Variants in DPP10 observed in about 807,000 individuals in gnomAD.
DPP10 encodes inactive dipeptidyl peptidase 10.
DPP10 carries 33 observed loss-of-function variants against 120.9 expected under a neutral mutation model. The observed-to-expected ratio is 0.27, with a 90% CI of 0.21 to 0.37. The LOEUF (loss-of-function observed/expected upper bound fraction) is 0.37. Among genes scored for constraint, DPP10 ranks in the 10% least tolerant of loss-of-function variants. DPP10 has a pLI of 1.00. For synonymous variants in DPP10, 337 were observed against 326.1 expected, an observed-to-expected ratio of 1.03 and a Z score of -0.36; for missense variants, 816 against 942.8, an observed-to-expected ratio of 0.87 and a Z score of 1.76.
chr2:114,823,268 A>C (rs966672260), intron 1 of DPP10, among the ~76,000 whole-genome samples: 1 of 152,150 alleles, frequency 6.6e-6, no homozygotes, highest in African/African-American at 2.4e-5. Flanking sequence ...AGTGCCAAAC[A>C]AAACGGGAAG....
At chr2:114,924,295 G>A (rs759915649) in intron 1 of DPP10, among the ~76,000 whole-genome samples, 8 of 152,168 alleles carry the variant, frequency 5.3e-5, no homozygotes, top group Admixed American at 5.2e-4. Context: ...GGAGGCCAAA[G>A]GCAGGTGGAT....
intron 4 of DPP10, among the ~76,000 whole-genome samples, chr2:115,521,215 C>T (rs1477133328): frequency 6.6e-6 from 1 of 152,192 alleles, no homozygotes; most frequent in African/African-American, 2.4e-5. Context: ...ACACCATGTT[C>T]ATAACTGCAT....
chr2:114,499,528 C>G (rs186763777), intron 1 of DPP10, among the ~76,000 whole-genome samples: 1 of 152,136 alleles, frequency 6.6e-6, no homozygotes, highest in East Asian at 1.9e-4. Flanking sequence ...TTTGGGACTG[C>G]GCCATCTCCC....
chr2:114,671,871 C>T (rs1223572654), intron 1 of DPP10, among the ~76,000 whole-genome samples: 1 of 152,006 alleles, frequency 6.6e-6, no homozygotes, highest in African/African-American at 2.4e-5. Context: ...TTTCCAAATA[C>T]TTTTCTTTCT....
rs372323644 is a variant in DPP10, at chr2:115,307,750, G to A, written c.61-1489G>A. Among the ~76,000 whole-genome samples the A allele has an allele frequency of 3.9e-5, 6 of 152,158 alleles. No homozygotes were observed. In the East Asian group the frequency reaches 1.2e-3, roughly 29 times the overall value. On this transcript the variant is annotated intron_variant, in intron 1 of 25. Coordinates refer to ENST00000410059, the MANE Select transcript of DPP10 (RefSeq NM_020868.6). ...AAAGAAACTCACCTAGAAACTTGCA[G>A]GAACGTTGCATTCCAGATAAGGGTT...
intron 1 of DPP10, among the ~76,000 whole-genome samples, chr2:114,751,487 G>C (rs930742474): frequency 6.6e-6 from 1 of 152,210 alleles, no homozygotes; most frequent in Non-Finnish European, 1.5e-5. Context: ...TTGCCCTGCT[G>C]TGAGAAGAAT....
intron 1 of DPP10, among the ~76,000 whole-genome samples, chr2:115,014,279 A>C (rs1702475134): frequency 6.6e-6 from 1 of 152,190 alleles, no homozygotes; most frequent in African/African-American, 2.4e-5. Flanking sequence ...AGAAATAAGT[A>C]AGTTCTTTGA....
chr2:115,464,687 G>T (rs1052804854), intron 3 of DPP10, among the ~76,000 whole-genome samples: 2 of 152,128 alleles, frequency 1.3e-5, no homozygotes, highest in Non-Finnish European at 2.9e-5. Flanking sequence ...CAGGGCAGAG[G>T]GCTTGGAGAG....
intron 1 of DPP10, among the ~76,000 whole-genome samples, chr2:115,230,709 A>C (rs1363347679): frequency 6.6e-6 from 1 of 152,024 alleles, no homozygotes; most frequent in African/African-American, 2.4e-5. Context: ...TTAATGATTT[A>C]TTTGTTGTAT....
At chr2:115,147,962 G>A in intron 1 of DPP10, among the ~76,000 whole-genome samples, 1 of 152,114 alleles carries the variant, frequency 6.6e-6, no homozygotes, top group African/African-American at 2.4e-5. Flanking sequence ...GCAATTTGAG[G>A]AGAGATGGTG....
chr2:114,799,227 C>CT (rs1683979141), intron 1 of DPP10, among the ~76,000 whole-genome samples: 7 of 152,188 alleles, frequency 4.6e-5, no homozygotes, highest in Non-Finnish European at 1.0e-4. Flanking sequence ...CATTATCTCT[C>CT]CTTCCTAAAG....
At chr2:115,138,575 T>C (rs756056575) in intron 1 of DPP10, among the ~76,000 whole-genome samples, 22 of 152,178 alleles carry the variant, frequency 1.4e-4, no homozygotes, top group Non-Finnish European at 2.9e-4. Flanking sequence ...AAGACAAACA[T>C]GGATATAATT....
chr2:115,242,407 C>T (rs780024132), intron 1 of DPP10, among the ~76,000 whole-genome samples: 2 of 152,152 alleles, frequency 1.3e-5, no homozygotes, highest in Non-Finnish European at 2.9e-5. Flanking sequence ...ATCCACTCAT[C>T]GATTGATGGG....
intron 1 of DPP10, among the ~76,000 whole-genome samples, chr2:115,255,966 C>G (rs1186409779): frequency 2.0e-5 from 3 of 152,178 alleles, no homozygotes; most frequent in Non-Finnish European, 4.4e-5. Context: ...TGCCTGTTAC[C>G]CAGTTCAAAA....
Position 114,795,714 on chromosome 2 carries a change from A to G in DPP10, c.60+352876A>G, listed in dbSNP as rs371954963. Among the ~76,000 whole-genome samples the G allele has an allele frequency of 3.3e-5, 5 of 152,216 alleles. No individual in the cohort carries two copies. The South Asian group carries it at 8.3e-4, about 25-fold the overall frequency. On this transcript the variant is annotated intron_variant, in intron 1 of 25. Coordinates refer to ENST00000410059, the MANE Select transcript of DPP10 (RefSeq NM_020868.6). ...ATTTGAAAAAACTCACTGATGAACC[A>G]CATAGCCTAGAAATATCAAAAAATA...
chr2:115,472,868 A>T (rs1158825976), intron 3 of DPP10, among the ~76,000 whole-genome samples: 1 of 152,200 alleles, frequency 6.6e-6, no homozygotes, highest in Non-Finnish European at 1.5e-5. Context: ...AATCTAAAAG[A>T]TTCAAAACGC....
At chr2:115,782,429 G>C (rs537748759) in intron 17 of DPP10, 30 bp downstream of exon 17, 22 of 1,590,046 alleles carry the variant, frequency 1.4e-5, no homozygotes, top group Admixed American at 5.0e-5. Flanking sequence ...ATTAAGAATA[G>C]TTATGGTTGG....
At chr2:115,062,145 T>A in intron 1 of DPP10, among the ~76,000 whole-genome samples, 1 of 150,896 alleles carries the variant, frequency 6.6e-6, no homozygotes, top group Non-Finnish European at 1.5e-5. Flanking sequence ...TGTGTGTGTG[T>A]GTGTGTGTGT....
At chr2:115,133,145 G>GTGTGTGTATATATATATATA (rs1338395575) in intron 1 of DPP10, among the ~76,000 whole-genome samples, 10 of 28,758 alleles carry the variant, frequency 3.5e-4, no homozygotes, top group African/African-American at 1.3e-3. Flanking sequence ...GTGTGTGTGT[G>GTGTGTGTATATATATATATA]TATATATATA....
Sources: gnomAD v4.1 joint callset for allele counts (sites outside exome capture counted in the v4.1 genomes callset) on GRCh38, gnomAD v4.1.1 for gene constraint, MANE v1.5 for transcripts, NCBI Gene and HGNC (gene_info 2026-07-23, HGNC 2026-07-21) for gene names.